The following ACOXL variants were observed in gnomAD, a reference collection of about 807,000 sequenced individuals.
ACOXL encodes acyl-CoA oxidase like.
In ACOXL, 70 loss-of-function variants were observed where a neutral mutation model predicts 71.9. The ratio of observed to expected loss-of-function variants is 0.97; its 90% CI spans 0.80 to 1.19. The LOEUF is 1.19. ACOXL is among the 50% of genes most tolerant of loss of function. The probability of loss-of-function intolerance (pLI) is 0.00; values close to 1 mark genes in which losing one functional copy is unlikely to be tolerated. For synonymous variants in ACOXL, 253 were observed against 281.6 expected (o/e 0.90, Z 1.02); for missense variants, 703 against 736.3 (o/e 0.95, Z 0.52).
At chr2:111,049,170 C>G in intron 15 of ACOXL, 48 bp from the exon 16 acceptor site, 2 of 1,437,056 alleles carry the variant, frequency 1.4e-6, no homozygotes, top group Middle Eastern at 1.8e-4. Context: ...CAGAAGGGCT[C>G]TGAGGCGGAA....
At chr2:110,780,803 G>C (rs968694513) in intron 2 of ACOXL, among the ~76,000 whole-genome samples, 6 of 152,070 alleles carry the variant, frequency 3.9e-5, no homozygotes, top group Admixed American at 1.3e-4. Flanking sequence ...AGAGGCCGAG[G>C]CAGGAGGATT....
At chr2:110,943,154 AAG>A (rs1329637501) in intron 12 of ACOXL, among the ~76,000 whole-genome samples, 1 of 107,582 alleles carries the variant, frequency 9.3e-6, no homozygotes, top group Non-Finnish European at 2.2e-5. Flanking sequence ...AAGAAAGAGA[AAG>A]AAAAAGAAAA....
chr2:110,760,112 A>G (rs920151743), intron 1 of ACOXL, among the ~76,000 whole-genome samples: 3 of 149,664 alleles, frequency 2.0e-5, no homozygotes, highest in Admixed American at 6.7e-5. Flanking sequence ...CAGGTGTACA[A>G]TCATATTATA....
intron 9 of ACOXL, among the ~76,000 whole-genome samples, chr2:110,832,304 C>T (rs911778982): frequency 4.0e-5 from 6 of 151,880 alleles, no homozygotes; most frequent in African/African-American, 4.8e-5. Flanking sequence ...TTTGGGAGGC[C>T]GAGGCGGGTG....
chr2:110,848,540 C>T (rs1333608228), intron 10 of ACOXL, among the ~76,000 whole-genome samples: 1 of 152,222 alleles, frequency 6.6e-6, no homozygotes, highest in East Asian at 1.9e-4. Context: ...GTCAGCATCT[C>T]ATGGCAGAGC....
intron 16 of ACOXL, among the ~76,000 whole-genome samples, chr2:111,071,860 G>C (rs116289400): frequency 6.6e-5 from 10 of 152,206 alleles, no homozygotes; most frequent in Non-Finnish European, 1.3e-4. Context: ...ACTGAGCCCT[G>C]ATGCCAGGCT....
intron 10 of ACOXL, among the ~76,000 whole-genome samples, chr2:110,858,408 C>T (rs1693532602): frequency 6.6e-6 from 1 of 152,060 alleles, no homozygotes; most frequent in Admixed American, 6.5e-5. Flanking sequence ...TTTCCCTTCT[C>T]ACGCTGATGA....
chr2:110,953,284 T>TA (rs2061388845), intron 12 of ACOXL, among the ~76,000 whole-genome samples: 1 of 150,856 alleles, frequency 6.6e-6, no homozygotes, highest in Admixed American at 6.7e-5. Flanking sequence ...GCTTTTTTTT[T>TA]AGTCACAGTT....
At chr2:111,046,591 C>T (rs1185903360) in intron 15 of ACOXL, among the ~76,000 whole-genome samples, 1 of 152,142 alleles carries the variant, frequency 6.6e-6, no homozygotes, top group Non-Finnish European at 1.5e-5. Flanking sequence ...GGGGGAAATG[C>T]CCTGTATAAA....
chr2:110,880,892 T>C lies in ACOXL; in HGVS notation c.789-27897T>C, dbSNP rs140579519. Among the ~76,000 whole-genome samples, 35 of 152,302 alleles carry C rather than the reference T, an allele frequency of 2.3e-4. No homozygotes were observed. The East Asian group carries it at 6.6e-3, about 29-fold the overall frequency. On this transcript the variant is annotated intron_variant, in intron 10 of 17. Coordinates refer to ENST00000439055, the MANE Select transcript of ACOXL (RefSeq NM_001142807.4). ...CTCCTTTCTCCCACCTTCACTGACA[T>C]TGGGTATGGCAAATCTGGTTTAGTT...
rs190306908 is a variant in ACOXL at position 110,826,184 on chromosome 2, A to G, written c.754-15187A>G. Among the ~76,000 whole-genome samples, 14 of 152,354 alleles carry G rather than the reference A, an allele frequency of 9.2e-5. No individual in the cohort carries two copies. In the South Asian group the frequency reaches 1.0e-3, roughly 11 times the overall value. On this transcript the variant is annotated intron_variant, in intron 9 of 17. Coordinates refer to ENST00000439055, the MANE Select transcript of ACOXL (RefSeq NM_001142807.4). Reference sequence around the variant, plus strand: ...CTTCATCTTTTTGCTGCCCTCTCCTATAATTCCTCTTTTGCAAATAACTTT... The same window carrying G: ...CTTCATCTTTTTGCTGCCCTCTCCTGTAATTCCTCTTTTGCAAATAACTTT...
intron 10 of ACOXL, among the ~76,000 whole-genome samples, chr2:110,900,223 C>T (rs2059179870): frequency 6.6e-6 from 1 of 151,552 alleles, no homozygotes; most frequent in African/African-American, 2.4e-5. Flanking sequence ...GAGACTTTAA[C>T]CCTGAAGCTC....
At chr2:111,019,775 A>G (rs2149702368) in intron 14 of ACOXL, among the ~76,000 whole-genome samples, 1 of 152,222 alleles carries the variant, frequency 6.6e-6, no homozygotes, top group East Asian at 1.9e-4. Flanking sequence ...AGGCCCCGCA[A>G]CTGCCGTGCA....
intron 10 of ACOXL, among the ~76,000 whole-genome samples, chr2:110,868,327 T>G (rs1377177647): frequency 6.6e-6 from 1 of 152,222 alleles, no homozygotes; most frequent in East Asian, 1.9e-4. Context: ...TTGTCATTTG[T>G]GGCACCAGAG....
chr2:111,092,208 A>G (rs911759044), intron 16 of ACOXL, among the ~76,000 whole-genome samples: 2 of 152,170 alleles, frequency 1.3e-5, no homozygotes, highest in African/African-American at 2.4e-5. Flanking sequence ...TGAGGCCCAT[A>G]CTATGCTCTC....
At chr2:110,921,089 G>T (rs72944231) in intron 11 of ACOXL, among the ~76,000 whole-genome samples, 1 of 151,924 alleles carries the variant, frequency 6.6e-6, no homozygotes, top group Non-Finnish European at 1.5e-5. Flanking sequence ...AATTTATGGC[G>T]ATAGTGTTGG....
intron 2 of ACOXL, among the ~76,000 whole-genome samples, chr2:110,776,204 A>G (rs1382231825): frequency 2.0e-5 from 3 of 152,218 alleles, no homozygotes; most frequent in Non-Finnish European, 4.4e-5. Context: ...TACATGAAGT[A>G]TTTAGAGTGG....
At chr2:110,982,663 A>G (rs1054113966) in intron 12 of ACOXL, among the ~76,000 whole-genome samples, 2 of 152,216 alleles carry the variant, frequency 1.3e-5, no homozygotes, top group Non-Finnish European at 2.9e-5. Context: ...TGCCAGATGT[A>G]GGAAAAAGAA....
intron 13 of ACOXL, among the ~76,000 whole-genome samples, chr2:110,990,950 G>A (rs973921556): frequency 2.0e-5 from 3 of 152,088 alleles, no homozygotes; most frequent in African/African-American, 4.8e-5. Flanking sequence ...TTCCATTCTT[G>A]TACATGCCTG....
Sources: gnomAD v4.1 joint callset for allele counts (sites outside exome capture counted in the v4.1 genomes callset) on GRCh38, gnomAD v4.1.1 for gene constraint, MANE v1.5 for transcripts, NCBI Gene and HGNC (gene_info 2026-07-23, HGNC 2026-07-21) for gene names.